Variants in MYO1D observed in about 807,000 individuals in gnomAD.
MYO1D encodes myosin ID.
Under a neutral mutation model 122.0 loss-of-function variants are expected in MYO1D, and 83 were observed. The ratio of observed to expected loss-of-function variants is 0.68; its 90% CI spans 0.57 to 0.82. The LOEUF (loss-of-function observed/expected upper bound fraction) is 0.82. Among genes scored for constraint, MYO1D ranks in the 40% least tolerant of loss-of-function variants. The pLI, the probability that MYO1D is intolerant of heterozygous loss-of-function variation, is 0.00. For synonymous variants in MYO1D, 464 were observed against 446.9 expected (o/e 1.04, Z -0.48); for missense variants, 1,157 against 1,269.5 (o/e 0.91, Z 1.35).
chr17:32,573,341 T>A (rs2087248151), intron 21 of MYO1D, among the ~76,000 whole-genome samples: 1 of 152,304 alleles, frequency 6.6e-6, no homozygotes, highest in East Asian at 1.9e-4. Flanking sequence ...GAGCCCCGTG[T>A]CTTCTTGCTC....
In MYO1D at chr17:32,729,871, A is replaced by G. The variant is rs138168911; in HGVS notation, c.1746+8382T>C. On this transcript the variant is annotated intron_variant, in intron 14 of 21. Transcript: ENST00000318217. ...GCTACTACAGGCCCTGAAATGGGATAAAGGTGATCCCAGACTGTCGAACTG... is the reference window on the plus strand; with the variant it reads ...GCTACTACAGGCCCTGAAATGGGATGAAGGTGATCCCAGACTGTCGAACTG... Among the ~76,000 whole-genome samples, 556 of 152,308 alleles carry G rather than the reference A, an allele frequency of 3.7e-3. 3 individuals are homozygous for G. Among genetic ancestry groups the G allele is most frequent in the African/African-American group, 0.012 (519 of 41,564 alleles).
chr17:32,643,546 T>C (rs952273195), intron 19 of MYO1D, among the ~76,000 whole-genome samples: 6 of 152,210 alleles, frequency 3.9e-5, no homozygotes, highest in Non-Finnish European at 8.8e-5. Context: ...GTGAATCCTG[T>C]CTGGTCTTGG....
At chr17:32,548,721 T>G (rs1449166918) in intron 21 of MYO1D, among the ~76,000 whole-genome samples, 4 of 151,404 alleles carry the variant, frequency 2.6e-5, no homozygotes, top group Admixed American at 6.6e-5. Context: ...TTGGTCTTTT[T>G]TTTTTTTTTT....
At chr17:32,693,384 T>TAA (rs200326686) in intron 16 of MYO1D, among the ~76,000 whole-genome samples, 1 of 116,228 alleles carries the variant, frequency 8.6e-6, no homozygotes, top group African/African-American at 3.1e-5. Flanking sequence ...ACACCTCAAG[T>TAA]AAAAAAAAAA....
intron 21 of MYO1D, among the ~76,000 whole-genome samples, chr17:32,503,156 T>A (rs1324570547): frequency 1.3e-5 from 2 of 152,288 alleles, no homozygotes; most frequent in Non-Finnish European, 2.9e-5. Flanking sequence ...TTCCCTGTGC[T>A]ACCTGTGCCT....
rs143074782 is a variant in MYO1D, at chr17:32,728,859, C to T, written c.1747-7670G>A. 2.6e-3 allele frequency among the ~76,000 whole-genome samples: 397 copies of T among 152,224 alleles called. 4 individuals are homozygous for T. Among genetic ancestry groups the T allele is most frequent in the African/African-American group, 8.7e-3 (363 of 41,548 alleles). On this transcript the variant is annotated intron_variant, in intron 14 of 21. Transcript: ENST00000318217. ...GACTATTACCAGTACTGAGTGATTA[C>T]GCATAGGAAGTGGCAATATTGGATG...
chr17:32,507,414 C>A (rs1909538240), intron 21 of MYO1D, among the ~76,000 whole-genome samples: 1 of 151,820 alleles, frequency 6.6e-6, no homozygotes, highest in Non-Finnish European at 1.5e-5. Context: ...AAAAAAACTC[C>A]CCCAAAAACA....
intron 1 of MYO1D, among the ~76,000 whole-genome samples, chr17:32,788,092 C>T (rs1598099774): frequency 6.6e-6 from 1 of 152,242 alleles, no homozygotes; most frequent in South Asian, 2.1e-4. Context: ...TTAATGACCT[C>T]TTTTCCTTTG....
At chr17:32,807,599 C>T (rs774082696) in intron 1 of MYO1D, among the ~76,000 whole-genome samples, 9 of 152,154 alleles carry the variant, frequency 5.9e-5, no homozygotes, top group Non-Finnish European at 8.8e-5. Context: ...CAAGGCCATG[C>T]TATTAGCTCT....
intron 21 of MYO1D, among the ~76,000 whole-genome samples, chr17:32,511,793 C>T (rs1224012942): frequency 1.3e-5 from 2 of 152,122 alleles, no homozygotes; most frequent in Non-Finnish European, 2.9e-5. Context: ...CCACACCTTC[C>T]TCTGAACAGA....
At chr17:32,508,365 C>T (rs1353027413) in intron 21 of MYO1D, among the ~76,000 whole-genome samples, 7 of 152,058 alleles carry the variant, frequency 4.6e-5, no homozygotes, top group Admixed American at 3.9e-4. Context: ...ACCTCCGCTT[C>T]CCTGGTTCAA....
rs139071490 is a variant in MYO1D at position 32,707,006 on chromosome 17, A to G, written c.2121+4982T>C. On this transcript the variant is annotated intron_variant, in intron 16 of 21. Coordinates refer to ENST00000318217, the MANE Select transcript of MYO1D (RefSeq NM_015194.3). ...CCACTGCGCCCAGCCTCCCAGATCC[A>G]TAATTTTTTTTTTAAGAAACCCAGA... Among the ~76,000 whole-genome samples, 775 of 152,212 alleles carry G rather than the reference A, an allele frequency of 5.1e-3. 4 individuals are homozygous for G. The highest frequency in any genetic ancestry group is 8.2e-3 in the Non-Finnish European group (555 of 68,002).
At chr17:32,867,181 C>T (rs1371366946) in intron 1 of MYO1D, among the ~76,000 whole-genome samples, 1 of 151,770 alleles carries the variant, frequency 6.6e-6, no homozygotes, top group East Asian at 1.9e-4. Flanking sequence ...CAAAAATGAG[C>T]TGGATGTGGT....
At chr17:32,595,979 AATCAC>A (rs1259291094) in intron 21 of MYO1D, among the ~76,000 whole-genome samples, 1 of 152,134 alleles carries the variant, frequency 6.6e-6, no homozygotes, top group Non-Finnish European at 1.5e-5. Context: ...TCCAGGATTG[AATCAC>A]ATTTCTAGTT....
intron 17 of MYO1D, among the ~76,000 whole-genome samples, chr17:32,656,437 C>G (rs2088477683): frequency 6.6e-6 from 1 of 152,130 alleles, no homozygotes; most frequent in South Asian, 2.1e-4. Context: ...AAGGAGAAAA[C>G]CCCTCAGAGG....
chr17:32,524,806 C>G (rs1411247484), intron 21 of MYO1D, among the ~76,000 whole-genome samples: 1 of 152,070 alleles, frequency 6.6e-6, no homozygotes, highest in Non-Finnish European at 1.5e-5. Context: ...TGTGATTCAC[C>G]CACCTTGGCC....
intron 20 of MYO1D, among the ~76,000 whole-genome samples, chr17:32,624,059 G>A (rs2087889420): frequency 6.6e-6 from 1 of 152,132 alleles, no homozygotes; most frequent in African/African-American, 2.4e-5. Flanking sequence ...TCTAATGGCA[G>A]AACTGAATTT....
intron 21 of MYO1D, among the ~76,000 whole-genome samples, chr17:32,554,656 T>G (rs16967400): frequency 0.065 from 9,964 of 152,124 alleles, 626 homozygotes; most frequent in East Asian, 0.23. Context: ...ACTGGGAAAG[T>G]ATCTGCAAGT....
chr17:32,550,426 T>A (rs2087002381), intron 21 of MYO1D, among the ~76,000 whole-genome samples: 1 of 152,276 alleles, frequency 6.6e-6, no homozygotes, highest in Non-Finnish European at 1.5e-5. Flanking sequence ...CATATAAAAT[T>A]TTTTCAATAC....
Sources: gnomAD v4.1 joint callset for allele counts (sites outside exome capture counted in the v4.1 genomes callset) on GRCh38, gnomAD v4.1.1 for gene constraint, MANE v1.5 for transcripts, NCBI Gene and HGNC (gene_info 2026-07-23, HGNC 2026-07-21) for gene names.